Variants in ZNF777 observed in about 807,000 individuals in gnomAD.
ZNF777 encodes the protein zinc finger protein 777.
ZNF777 carries 7 observed loss-of-function variants against 72.1 expected under a neutral mutation model. The observed-to-expected ratio is 0.10, with a 90% CI of 0.06 to 0.18. The LOEUF (loss-of-function observed/expected upper bound fraction) is 0.18. ZNF777 is among the 10% of genes least tolerant of loss of function. The probability of loss-of-function intolerance (pLI) is 1.00; values close to 1 mark genes in which losing one functional copy is unlikely to be tolerated. For missense variants in ZNF777, 828 were observed against 1,128.6 expected (o/e 0.73, Z 3.82); for synonymous variants, 545 against 483.5 (o/e 1.13, Z -1.67).
intron 4 of ZNF777, among the ~76,000 whole-genome samples, chr7:149,442,846 A>T (rs1799547585): frequency 6.6e-6 from 1 of 152,224 alleles, no homozygotes; most frequent in African/African-American, 2.4e-5. Flanking sequence ...AAGTCAAATA[A>T]AAACATCCAA....
chr7:149,449,120 T>G (rs1799668436), intron 4 of ZNF777, among the ~76,000 whole-genome samples: 1 of 152,230 alleles, frequency 6.6e-6, no homozygotes, highest in African/African-American at 2.4e-5. Context: ...ACCTGCAGTT[T>G]TGCAGAACCA....
intron 1 of ZNF777, chr7:149,459,745 A>AGCGCCGCGCCC: frequency 2.0e-6 from 2 of 985,008 alleles, no homozygotes; most frequent in South Asian, 9.4e-5. Flanking sequence ...GAGCCGCGTC[A>AGCGCCGCGCCC]GCGCCGCGCC....
chr7:149,448,589 A>ATATAAC (rs1554494033), intron 4 of ZNF777, among the ~76,000 whole-genome samples: 10 of 52,400 alleles, frequency 1.9e-4, no homozygotes, highest in Admixed American at 1.6e-3. Flanking sequence ...CTATATATAT[A>ATATAAC]TATATATATA....
At chr7:149,446,149 G>C (rs117225988) in intron 4 of ZNF777, among the ~76,000 whole-genome samples, 3 of 152,176 alleles carry the variant, frequency 2.0e-5, no homozygotes, top group Non-Finnish European at 4.4e-5. Context: ...AGTCCGAGGC[G>C]GGCAGATTAC....
At chr7:149,442,274 T>TAC (rs148217571) in intron 4 of ZNF777, among the ~76,000 whole-genome samples, 45,808 of 138,274 alleles carry the variant, frequency 0.33, 7,318 homozygotes, top group African/African-American at 0.37. Context: ...AAACTGCTAT[T>TAC]ACACACACAC....
Position 149,436,509 on chromosome 7 carries a change from G to T in ZNF777, c.1339+66C>A. 1 of 1,507,540 alleles carries T rather than the reference G, an allele frequency of 6.6e-7. No individual in the cohort carries two copies. The highest frequency in any genetic ancestry group is 1.3e-5 in the South Asian group (1 of 77,068). 93.4% of individuals were successfully genotyped at this position (1,507,540 alleles called of 1,614,324 possible). A position where few individuals can be genotyped will look rare whatever the true frequency, so the allele number is the denominator to read the frequency against. ...CTCTGAAGGAACCACAGCTTTCCCA[G>T]GGGGCAGGGGCCCTCTGGGAGGCCT... On this transcript the variant is annotated intron_variant, in intron 5 of 5. Transcript: ENST00000247930. The surrounding 1 kb of genome is among the most constrained non-coding windows in gnomAD (Gnocchi z 5.0).
At chr7:149,438,318 C>T (rs1197601623) in intron 4 of ZNF777, among the ~76,000 whole-genome samples, 1 of 152,168 alleles carries the variant, frequency 6.6e-6, no homozygotes, top group Non-Finnish European at 1.5e-5. Context: ...TTCTACAGTG[C>T]TAATACACTG....
chr7:149,449,339 G>A (rs1001870733), intron 4 of ZNF777, among the ~76,000 whole-genome samples: 1 of 152,344 alleles, frequency 6.6e-6, no homozygotes, highest in Non-Finnish European at 1.5e-5. Context: ...TCCTGTGGAT[G>A]TGCATGTGTC....
chr7:149,458,182 CA>C (rs1400498245), intron 1 of ZNF777, among the ~76,000 whole-genome samples: 1 of 152,094 alleles, frequency 6.6e-6, no homozygotes, highest in Non-Finnish European at 1.5e-5. Flanking sequence ...TTCTTGTCCT[CA>C]AAAAAGACAA....
Position 149,432,719 on chromosome 7 carries a change from G to T in ZNF777, c.1553C>A (p.Pro518His). The change falls in exon 6 of 6, where the codon CCC (proline) becomes CAC (histidine). Residue 518 changes from proline (P) to histidine (H), a missense_variant. Around this residue, in one of 12 missense-constraint regions of ZNF777, gnomAD observed 219 missense variants for 223.0 expected, o/e 0.98. Transcript: ENST00000247930. Reference sequence around the variant, plus strand: ...CAGGTGCCGCTCACCGTGCACGGAGGGCGCCAGCCTTTTCACTGCGGGGTT... The same window carrying T: ...CAGGTGCCGCTCACCGTGCACGGAGTGCGCCAGCCTTTTCACTGCGGGGTT... ...LGNPAVKRLA[P>H]SVHGERHLSE... is the part of the protein sequence containing the mutation. The T allele has an allele frequency of 6.2e-7, 1 of 1,612,146 alleles. No individual in the cohort carries two copies. Among genetic ancestry groups the T allele is most frequent in the Non-Finnish European group, 8.5e-7 (1 of 1,178,960 alleles).
At chr7:149,444,302 A>G (rs1217367492) in intron 4 of ZNF777, among the ~76,000 whole-genome samples, 2 of 152,198 alleles carry the variant, frequency 1.3e-5, no homozygotes, top group East Asian at 3.8e-4. Context: ...TCATGAACTT[A>G]GCCCCAAACT....
In ZNF777 at chr7:149,432,403, T is replaced by C; in HGVS notation, c.1869A>G (p.Ser623=). Residue 623 remains serine (S), a synonymous_variant, in exon 6 of 6, where the codon TCA becomes TCG. Coordinates refer to ENST00000247930, the MANE Select transcript of ZNF777 (RefSeq NM_015694.3). ...PKHALKPRPK[S]PSSGSGGGGP... ...CACCGCCGCCGCTACCAGAGCTGGG[T>C]GACTTGGGACGCGGCTTGAGCGCGT... The C allele has an allele frequency of 6.2e-7, 1 of 1,613,364 alleles. No homozygotes were observed. Among genetic ancestry groups the C allele is most frequent in the Non-Finnish European group, 8.5e-7 (1 of 1,179,944 alleles).
chr7:149,443,772 T>C (rs1343244318), intron 4 of ZNF777, among the ~76,000 whole-genome samples: 1 of 152,230 alleles, frequency 6.6e-6, no homozygotes, highest in Non-Finnish European at 1.5e-5. Flanking sequence ...TGTGTACTTT[T>C]AGTAGAGATG....
chr7:149,438,035 A>G (rs1412847002), intron 4 of ZNF777, among the ~76,000 whole-genome samples: 1 of 151,434 alleles, frequency 6.6e-6, no homozygotes, highest in Admixed American at 6.6e-5. Flanking sequence ...ACCCGCCACC[A>G]CACCCGGCTA....
intron 4 of ZNF777, among the ~76,000 whole-genome samples, chr7:149,450,238 G>A (rs1405940329): frequency 6.6e-6 from 1 of 152,208 alleles, no homozygotes; most frequent in African/African-American, 2.4e-5. Flanking sequence ...TGCACCACAA[G>A]AGCGCCTGCA....
intron 4 of ZNF777, among the ~76,000 whole-genome samples, chr7:149,443,413 C>G (rs1158488783): frequency 6.6e-6 from 1 of 152,086 alleles, no homozygotes; most frequent in Non-Finnish European, 1.5e-5. Context: ...TGAGAGAAAA[C>G]TATGGGGGAC....
chr7:149,454,053 T>A, intron 3 of ZNF777, 58 bp downstream of exon 3: 1 of 1,606,510 alleles, frequency 6.2e-7, no homozygotes, highest in Non-Finnish European at 8.5e-7. Context: ...CCTAAGTTTA[T>A]GAATGCACTT....
rs2116615443 is a variant in ZNF777 at position 149,460,110 on chromosome 7, G to A, written c.-16+705C>T. On this transcript the variant is annotated intron_variant, in intron 1 of 5. Coordinates refer to ENST00000247930, the MANE Select transcript of ZNF777 (RefSeq NM_015694.3). The surrounding 1 kb of genome is among the most constrained non-coding windows in gnomAD (Gnocchi z 6.1). ...CGAGGCCGCGCGTCCGTGCGCGCGC[G>A]GGCCGCCCTCACAGGAGCCGGGGCC... 3.1e-6 allele frequency: 3 copies of A among 982,032 alleles called. No individual in the cohort carries two copies. The highest frequency in any genetic ancestry group is 4.7e-5 in the South Asian group (1 of 21,274). The allele number at this position is 982,032 out of a possible 1,614,324, so 60.8% of individuals were successfully genotyped here.
Position 149,432,805 on chromosome 7 carries a change from G to C in ZNF777, c.1467C>G (p.Thr489=), listed in dbSNP as rs375553263. ...SGRYEASMYQ[T]PLPGEMSPEG... is the part of the protein sequence containing the mutation. ...CGGGGGACATCTCCCCGGGCAGCGG[G>C]GTCTGGTACATACTGGCCTCATATC... Residue 489 remains threonine, a synonymous_variant, in exon 6 of 6, where the codon ACC becomes ACG. Coordinates refer to ENST00000247930, the MANE Select transcript of ZNF777 (RefSeq NM_015694.3). 9.3e-6 allele frequency: 15 copies of C among 1,607,252 alleles called. No homozygotes were observed. Among genetic ancestry groups the C allele is most frequent in the Non-Finnish European group, 1.3e-5 (15 of 1,175,416 alleles).
Sources: allele counts gnomAD v4.1 joint callset (sites outside exome capture counted in the v4.1 genomes callset), GRCh38; gene constraint gnomAD v4.1.1; regional missense constraint gnomAD v4.1.1; non-coding constraint Gnocchi (gnomAD v3.1); transcripts MANE v1.5; gene names NCBI Gene and HGNC (gene_info 2026-07-23, HGNC 2026-07-21).